Variants in CISD1 observed in about 807,000 individuals in gnomAD.
CISD1 encodes CDGSH iron-sulfur domain-containing protein 1.
CISD1 carries 8 observed loss-of-function variants against 12.0 expected under a neutral mutation model. That is an observed-to-expected ratio of 0.67 (90% confidence interval 0.39 to 1.20). The LOEUF (loss-of-function observed/expected upper bound fraction) is 1.20, where lower values mean the gene tolerates loss of function less well. Among genes scored for constraint, CISD1 ranks in the 50% most tolerant of loss-of-function variants. CISD1 has a pLI of 0.01. For synonymous variants in CISD1, 38 were observed against 42.2 expected (o/e 0.90, Z 0.39); for missense variants, 107 against 132.7 (o/e 0.81, Z 0.95).
At chr10:58,283,611 A>AT (rs1839396568) in intron 2 of CISD1, among the ~76,000 whole-genome samples, 1 of 152,226 alleles carries the variant, frequency 6.6e-6, no homozygotes, top group Non-Finnish European at 1.5e-5. Flanking sequence ...AGGAGCATTT[A>AT]TTAAAACAGA....
At chr10:58,271,809 G>A (rs914467289) in intron 1 of CISD1, among the ~76,000 whole-genome samples, 3 of 152,222 alleles carry the variant, frequency 2.0e-5, no homozygotes. Flanking sequence ...GGCAGAGGCA[G>A]TGAGAATGAA....
At chr10:58,274,063 G>C (rs1839281860) in intron 1 of CISD1, among the ~76,000 whole-genome samples, 2 of 152,078 alleles carry the variant, frequency 1.3e-5, no homozygotes, top group Non-Finnish European at 2.9e-5. Context: ...GAACCCAGGA[G>C]CAGAGGTTGC....
At chr10:58,274,079 G>A (rs1237416288) in intron 1 of CISD1, among the ~76,000 whole-genome samples, 4 of 152,128 alleles carry the variant, frequency 2.6e-5, no homozygotes, top group African/African-American at 9.7e-5. Context: ...GTTGCAGTGA[G>A]CTGAGATTGT....
At chr10:58,286,720 A>G (rs749358193) in intron 2 of CISD1, among the ~76,000 whole-genome samples, 13 of 152,174 alleles carry the variant, frequency 8.5e-5, no homozygotes, top group Non-Finnish European at 1.8e-4. Flanking sequence ...GGACACCAAA[A>G]CAGCAGTTAT....
chr10:58,287,044 C>T (rs1839436536), intron 2 of CISD1, among the ~76,000 whole-genome samples: 1 of 152,162 alleles, frequency 6.6e-6, no homozygotes, highest in Admixed American at 6.5e-5. Context: ...CCTCAGCCTC[C>T]TGAGTAGCTG....
rs1839465325 is a variant in CISD1 at position 58,289,415 on chromosome 10, G to A, written c.*1765G>A. On this transcript the variant is annotated 3_prime_UTR_variant, in exon 3 of 3. Coordinates refer to ENST00000333926, the MANE Select transcript of CISD1 (RefSeq NM_018464.5). ...TTATATGAGTGTGTGTATACATATG[G>A]CAAAATTATAAATGACCACCTTACT... is the stretch of plus-strand genomic sequence containing the variant. 1.3e-5 allele frequency: 2 copies of A among 151,926 alleles called. No individual in the cohort carries two copies. Among genetic ancestry groups the A allele is most frequent in the South Asian group, 2.1e-4 (1 of 4,814 alleles). 9.4% of individuals were successfully genotyped at this position (151,926 alleles called of 1,614,324 possible). A position where few individuals can be genotyped will look rare whatever the true frequency, so the allele number is the denominator to read the frequency against.
At chr10:58,271,197 G>A (rs113079666) in intron 1 of CISD1, among the ~76,000 whole-genome samples, 4,675 of 148,758 alleles carry the variant, frequency 0.031, 252 homozygotes, top group African/African-American at 0.11. Flanking sequence ...CCGCCACTAC[G>A]CCCGGCTAAT....
At chr10:58,280,698 T>C (rs1839364388) in intron 2 of CISD1, among the ~76,000 whole-genome samples, 1 of 152,194 alleles carries the variant, frequency 6.6e-6, no homozygotes, top group Admixed American at 6.5e-5. Flanking sequence ...TGGGGAATTT[T>C]CTGCATTTTG....
At chr10:58,287,495 C>T (rs1839441854) in intron 2 of CISD1, 66 bp from the exon 3 acceptor site, 6 of 1,131,492 alleles carry the variant, frequency 5.3e-6, no homozygotes, top group Admixed American at 2.3e-5. Context: ...GCATCACCTT[C>T]CACTCTGCCG....
chr10:58,271,544 C>T (rs947207420), intron 1 of CISD1, among the ~76,000 whole-genome samples: 3 of 152,090 alleles, frequency 2.0e-5, no homozygotes, highest in African/African-American at 7.2e-5. Flanking sequence ...AAACTTTAAA[C>T]CAAGTTTATT....
At chr10:58,280,659 A>G (rs1469108252) in intron 2 of CISD1, among the ~76,000 whole-genome samples, 1 of 152,212 alleles carries the variant, frequency 6.6e-6, no homozygotes, top group South Asian at 2.1e-4. Flanking sequence ...TTTGATATGG[A>G]TAAAAATCAA....
chr10:58,275,376 T>G (rs745464428), intron 1 of CISD1, among the ~76,000 whole-genome samples: 5 of 152,164 alleles, frequency 3.3e-5, no homozygotes, highest in Non-Finnish European at 7.4e-5. Flanking sequence ...CCAGAAGTCA[T>G]AGCAAAATTG....
At chr10:58,271,854 ATTG>A (rs1839253690) in intron 1 of CISD1, among the ~76,000 whole-genome samples, 1 of 152,238 alleles carries the variant, frequency 6.6e-6, no homozygotes, top group African/African-American at 2.4e-5. Flanking sequence ...GATCCTGATC[ATTG>A]AGATAGCTCT....
chr10:58,277,605 TC>T (rs1368427579), intron 2 of CISD1, among the ~76,000 whole-genome samples: 1 of 108,270 alleles, frequency 9.2e-6, no homozygotes, highest in Non-Finnish European at 1.7e-5. Flanking sequence ...ACTTTTTCTT[TC>T]TTTTTTTTTT....
intron 1 of CISD1, among the ~76,000 whole-genome samples, chr10:58,274,293 T>G (rs1257203395): frequency 2.0e-5 from 3 of 152,136 alleles, no homozygotes; most frequent in Non-Finnish European, 4.4e-5. Flanking sequence ...TCTTTCTTTA[T>G]CCTAATTGTT....
chr10:58,283,842 G>A (rs1839399156), intron 2 of CISD1, among the ~76,000 whole-genome samples: 1 of 152,088 alleles, frequency 6.6e-6, no homozygotes, highest in African/African-American at 2.4e-5. Context: ...ATGTTTTCTG[G>A]ACATAAAGGA....
intron 2 of CISD1, among the ~76,000 whole-genome samples, chr10:58,278,811 T>A (rs1475874547): frequency 6.6e-6 from 1 of 152,114 alleles, no homozygotes; most frequent in Non-Finnish European, 1.5e-5. Flanking sequence ...GAAAATTCCA[T>A]ACCTGACCTC....
At chr10:58,272,639 C>G (rs1839261888) in intron 1 of CISD1, among the ~76,000 whole-genome samples, 1 of 152,142 alleles carries the variant, frequency 6.6e-6, no homozygotes, top group African/African-American at 2.4e-5. Context: ...AATAAGAGGG[C>G]TGGGTGCGGT....
rs1839310673 is a variant in CISD1, at chr10:58,275,925, C to A, written c.32-1192C>A. Among the ~76,000 whole-genome samples, 8 of 152,308 alleles carry A rather than the reference C, an allele frequency of 5.3e-5. 1 individual carries two copies. In the South Asian group the frequency reaches 1.7e-3, roughly 32 times the overall value. On this transcript the variant is annotated intron_variant, in intron 1 of 2. Transcript: ENST00000333926. Reference sequence around the variant, plus strand: ...AAATAAGAAATTTGACTCAATAGTGCAAGTAAACTATACAACTAATTATTA... The same window carrying A: ...AAATAAGAAATTTGACTCAATAGTGAAAGTAAACTATACAACTAATTATTA...
Sources: gnomAD v4.1 joint callset for allele counts (sites outside exome capture counted in the v4.1 genomes callset) on GRCh38, gnomAD v4.1.1 for gene constraint, MANE v1.5 for transcripts, NCBI Gene and HGNC (gene_info 2026-07-23, HGNC 2026-07-21) for gene names.